Variants in ATP13A4 observed in about 807,000 individuals in gnomAD.
The protein encoded by ATP13A4 is probable cation-transporting ATPase 13A4.
A neutral mutation model predicts 142.5 loss-of-function variants in ATP13A4; 114 were observed. The observed-to-expected ratio is 0.80, with a 90% CI of 0.69 to 0.93. The LOEUF (loss-of-function observed/expected upper bound fraction) is 0.93, where lower values mean the gene tolerates loss of function less well. Ranked by LOEUF, ATP13A4 falls within the 40% of genes least tolerant of loss-of-function variation. ATP13A4 has a pLI of 0.00. For synonymous variants in ATP13A4, 488 were observed against 514.8 expected (o/e 0.95, Z 0.70); for missense variants, 1,392 against 1,454.0 (o/e 0.96, Z 0.69).
intron 13 of ATP13A4, among the ~76,000 whole-genome samples, chr3:193,460,755 T>C (rs1010146680): frequency 3.3e-5 from 5 of 152,208 alleles, no homozygotes; most frequent in African/African-American, 1.2e-4. Flanking sequence ...TTCGAGAGGA[T>C]TGGGCCAGAC....
chr3:193,564,971 TGTCACTGTTTCCC>T (rs1337188156), intron 2 of ATP13A4, among the ~76,000 whole-genome samples: 1 of 152,228 alleles, frequency 6.6e-6, no homozygotes, highest in Admixed American at 6.5e-5. Context: ...CCTGATGAAC[TGTCACTGTTTCCC>T]GTCACTCCCA....
intron 3 of ATP13A4, among the ~76,000 whole-genome samples, chr3:193,495,927 C>G (rs1285427971): frequency 6.6e-6 from 1 of 151,992 alleles, no homozygotes; most frequent in African/African-American, 2.4e-5. Context: ...ACACTAATAG[C>G]AAACTATCTG....
chr3:193,451,857 A>T (rs1330320360), intron 17 of ATP13A4, among the ~76,000 whole-genome samples: 1 of 152,202 alleles, frequency 6.6e-6, no homozygotes, highest in Admixed American at 6.5e-5. Context: ...TTCACAAAGG[A>T]TCATTAAATT....
chr3:193,462,222 C>CA (rs57279285), intron 13 of ATP13A4, among the ~76,000 whole-genome samples: 2,104 of 109,690 alleles, frequency 0.019, 43 homozygotes, highest in African/African-American at 0.054. Context: ...AACTCCGTCT[C>CA]AAAAAAAAAA....
chr3:193,464,146 C>T (rs1318353852), intron 12 of ATP13A4, among the ~76,000 whole-genome samples: 1 of 152,198 alleles, frequency 6.6e-6, no homozygotes, highest in Non-Finnish European at 1.5e-5. Context: ...CTTCAAATAA[C>T]CCTCCACTGC....
rs527701809 is a variant in ATP13A4, at chr3:193,435,209, G to A, written c.2769+439C>T. Among the ~76,000 whole-genome samples the A allele has an allele frequency of 7.2e-5, 11 of 152,156 alleles. No individual in the cohort carries two copies. The South Asian group carries it at 2.3e-3, about 32-fold the overall frequency. ...AGGCAGACAGCTTGCAACTGGTTAT[G>A]GTAGGAGTATTTACGCCACTGAAAT... On this transcript the variant is annotated intron_variant, in intron 24 of 29. Coordinates refer to ENST00000342695, the MANE Select transcript of ATP13A4 (RefSeq NM_032279.4).
chr3:193,430,786 C>T (rs1465840219), intron 25 of ATP13A4, among the ~76,000 whole-genome samples: 5 of 152,116 alleles, frequency 3.3e-5, no homozygotes, highest in Middle Eastern at 3.4e-3. Context: ...GGAGCCCAAT[C>T]ATATAAGACT....
intron 21 of ATP13A4, 36 bp downstream of exon 21, chr3:193,440,522 T>C (rs1341493218): frequency 6.2e-7 from 1 of 1,613,076 alleles, no homozygotes. Flanking sequence ...TATGCCTCCA[T>C]GCAGTTCATG....
intron 24 of ATP13A4, 24 bp from the exon 25 acceptor site, chr3:193,433,941 C>A: frequency 6.3e-7 from 1 of 1,591,820 alleles, no homozygotes; most frequent in South Asian, 1.1e-5. Flanking sequence ...GAAAGCAGAT[C>A]AAAAAAGTTG....
chr3:193,500,514 C>T (rs1720483852), intron 3 of ATP13A4, among the ~76,000 whole-genome samples: 1 of 152,148 alleles, frequency 6.6e-6, no homozygotes, highest in Non-Finnish European at 1.5e-5. Flanking sequence ...GGTTTCGGAT[C>T]ATCAGGCAAT....
rs201815708 is a variant in ATP13A4, at chr3:193,414,593, G to A, written c.3000C>T (p.Ser1000=). 209 of 1,613,926 alleles carry A rather than the reference G, an allele frequency of 1.3e-4. No homozygotes were observed. Among genetic ancestry groups the A allele is most frequent in the Non-Finnish European group, 1.6e-4 (191 of 1,179,910 alleles). Residue 1000 remains serine (S), a synonymous_variant, in exon 26 of 30, where the codon TCC becomes TCT. Transcript: ENST00000342695. ...FILVQRQPWY[S]VEIHSACTVQ... ...TATACTCATACCTGTGTATCTCCAC[G>A]GAATACCAAGGCTGCCTCTGAACCA... is the stretch of plus-strand genomic sequence containing the variant.
intron 25 of ATP13A4, among the ~76,000 whole-genome samples, chr3:193,425,513 A>G (rs1368939554): frequency 6.6e-6 from 1 of 151,828 alleles, no homozygotes; most frequent in African/African-American, 2.4e-5. Context: ...ACACGATGGA[A>G]TACTATTGAG....
chr3:193,557,587 G>A (rs190922170), upstream of ATP13A4, among the ~76,000 whole-genome samples: 61 of 152,200 alleles, frequency 4.0e-4, no homozygotes, highest in Non-Finnish European at 1.0e-4. Flanking sequence ...AAACACAGGT[G>A]CAGACATTAA....
intron 9 of ATP13A4, 101 bp from the exon 10 acceptor site, chr3:193,467,587 C>T: frequency 8.0e-7 from 1 of 1,247,434 alleles, no homozygotes; most frequent in Non-Finnish European, 1.2e-6. Flanking sequence ...TTTTTGTGAG[C>T]CTACCATGTG....
At chr3:193,404,530 A>T (rs1306622419) in intron 29 of ATP13A4, among the ~76,000 whole-genome samples, 2 of 152,176 alleles carry the variant, frequency 1.3e-5, no homozygotes, top group Admixed American at 1.3e-4. Context: ...ACTGGGTCGT[A>T]GGGATGGATT....
intron 18 of ATP13A4, among the ~76,000 whole-genome samples, chr3:193,443,814 C>T (rs1576967967): frequency 6.6e-6 from 1 of 152,022 alleles, no homozygotes; most frequent in African/African-American, 2.4e-5. Context: ...CAAATGGATA[C>T]TTTAGAATTA....
chr3:193,473,396 T>G (rs1454880622), intron 8 of ATP13A4, among the ~76,000 whole-genome samples: 1 of 152,200 alleles, frequency 6.6e-6, no homozygotes, highest in African/African-American at 2.4e-5. Context: ...TGGCAACTAA[T>G]TAATGTAGAA....
intron 23 of ATP13A4, among the ~76,000 whole-genome samples, chr3:193,438,001 T>C (rs1196654179): frequency 1.3e-5 from 2 of 151,938 alleles, no homozygotes; most frequent in African/African-American, 4.8e-5. Flanking sequence ...CCAGCTAATT[T>C]TTTGGTATTT....
At chr3:193,474,685 A>G (rs1389679615) in intron 8 of ATP13A4, among the ~76,000 whole-genome samples, 2 of 150,430 alleles carry the variant, frequency 1.3e-5, no homozygotes, top group African/African-American at 2.5e-5. Flanking sequence ...AAGAAAAAAG[A>G]AAGAAAAAGA....
Sources: allele counts gnomAD v4.1 joint callset (sites outside exome capture counted in the v4.1 genomes callset), GRCh38; gene constraint gnomAD v4.1.1; transcripts MANE v1.5; gene names NCBI Gene and HGNC (gene_info 2026-07-23, HGNC 2026-07-21).